Variants in PSEN1 observed in about 807,000 individuals in gnomAD.
PSEN1 encodes the protein presenilin 1.
In PSEN1, 15 loss-of-function variants were observed where a neutral mutation model predicts 53.5. The observed-to-expected ratio is 0.28, with a 90% CI of 0.19 to 0.43. The LOEUF (loss-of-function observed/expected upper bound fraction) is 0.43. PSEN1 is among the 20% of genes least tolerant of loss of function. PSEN1 has a pLI of 1.00. For synonymous variants in PSEN1, 208 were observed against 209.8 expected (o/e 0.99, Z 0.08); for missense variants, 387 against 571.2 (o/e 0.68, Z 3.29).
At chr14:73,203,769 C>G (rs2140119484) in intron 8 of PSEN1, among the ~76,000 whole-genome samples, 1 of 152,258 alleles carries the variant, frequency 6.6e-6, no homozygotes, top group South Asian at 2.1e-4. Context: ...GGGAGCTTAA[C>G]TAGAAGGGAA....
At chr14:73,146,184 C>CG (rs1897065609) in intron 1 of PSEN1, 1 of 124,758 alleles carries the variant, frequency 8.0e-6, no homozygotes, top group South Asian at 2.6e-4. Context: ...TTTAAAAAAT[C>CG]TTTTTTTTTT....
intron 3 of PSEN1, among the ~76,000 whole-genome samples, chr14:73,154,577 G>A (rs535366599): frequency 6.6e-6 from 1 of 152,154 alleles, no homozygotes; most frequent in African/African-American, 2.4e-5. Context: ...CTTCAACCTG[G>A]GCAGCAAAGT....
At chr14:73,152,101 C>T (rs1450132037) in intron 3 of PSEN1, among the ~76,000 whole-genome samples, 1 of 147,692 alleles carries the variant, frequency 6.8e-6, no homozygotes, top group Admixed American at 6.8e-5. Flanking sequence ...TTCATAGAGG[C>T]GGGGTTTCAC....
chr14:73,162,242 A>T (rs983588890), intron 3 of PSEN1, among the ~76,000 whole-genome samples: 12 of 151,746 alleles, frequency 7.9e-5, no homozygotes, highest in Non-Finnish European at 1.6e-4. Context: ...CCATCCTGAT[A>T]ATAAGAGAAA....
intron 7 of PSEN1, among the ~76,000 whole-genome samples, chr14:73,197,277 T>C (rs185371684): frequency 1.9e-3 from 287 of 152,296 alleles, no homozygotes; most frequent in Non-Finnish European, 3.2e-3. Flanking sequence ...AAAAGTGCAG[T>C]TGATCGAAAG....
At chr14:73,160,583 G>A (rs1459368597) in intron 3 of PSEN1, among the ~76,000 whole-genome samples, 1 of 152,116 alleles carries the variant, frequency 6.6e-6, no homozygotes, top group Non-Finnish European at 1.5e-5. Context: ...TTTTTTGGTA[G>A]TGGCCATCCT....
intron 9 of PSEN1, among the ~76,000 whole-genome samples, chr14:73,209,306 A>G (rs770945562): frequency 6.6e-6 from 1 of 152,034 alleles, no homozygotes; most frequent in Non-Finnish European, 1.5e-5. Context: ...TGCAGCAGCC[A>G]CTCCAGATGG....
chr14:73,140,872 G>A (rs1259398133), intron 1 of PSEN1, among the ~76,000 whole-genome samples: 1 of 152,198 alleles, frequency 6.6e-6, no homozygotes, highest in African/African-American at 2.4e-5. Context: ...AAACTCAGCA[G>A]TTCAGAGCAT....
chr14:73,205,523 C>A (rs1272506033), intron 8 of PSEN1, among the ~76,000 whole-genome samples: 1 of 151,000 alleles, frequency 6.6e-6, no homozygotes, highest in African/African-American at 2.4e-5. Flanking sequence ...AGATTGGACT[C>A]AGCTTGCTGC....
chr14:73,156,732 G>A (rs551474326), intron 3 of PSEN1, among the ~76,000 whole-genome samples: 10 of 151,328 alleles, frequency 6.6e-5, no homozygotes, highest in Non-Finnish European at 1.3e-4. Flanking sequence ...GCATGATCTC[G>A]GCTCACTGCA....
chr14:73,214,093 T>C (rs954239831), intron 10 of PSEN1, among the ~76,000 whole-genome samples: 1 of 152,204 alleles, frequency 6.6e-6, no homozygotes, highest in Non-Finnish European at 1.5e-5. Context: ...GTCTATTAAC[T>C]GATAAGTGGA....
chr14:73,207,675 G>A (rs1421618062), intron 9 of PSEN1, among the ~76,000 whole-genome samples: 1 of 152,244 alleles, frequency 6.6e-6, no homozygotes, highest in Non-Finnish European at 1.5e-5. Context: ...AGAAACCTCT[G>A]TGGCTGGTGG....
At chr14:73,190,335 A>G (rs1234856678) in intron 6 of PSEN1, among the ~76,000 whole-genome samples, 1 of 151,624 alleles carries the variant, frequency 6.6e-6, no homozygotes, top group Non-Finnish European at 1.5e-5. Context: ...CAAAAAATAC[A>G]AAACTTAGCC....
chr14:73,206,472 A>G lies in PSEN1; in HGVS notation c.955A>G (p.Ser319Gly). ...CAAAAATTCCAAGTATAATGCAGAA[A>G]GTAGGTAACTTTTATTAGATAATAT... ...VSKNSKYNAESTERESQDTVA... is the reference protein window; with the variant it reads ...VSKNSKYNAEGTERESQDTVA... Residue 319 changes from serine (S) to glycine (G), a missense_variant and splice_region_variant, in exon 9 of 12, where the codon AGC becomes GGC. Around this residue, in one of 4 missense-constraint regions of PSEN1, gnomAD observed 169 missense variants for 299.7 expected, o/e 0.56. Coordinates refer to ENST00000324501, the MANE Select transcript of PSEN1 (RefSeq NM_000021.4). 1 of 1,606,610 alleles carries G rather than the reference A, an allele frequency of 6.2e-7. No homozygotes were observed. Among genetic ancestry groups the G allele is most frequent in the Non-Finnish European group, 8.5e-7 (1 of 1,173,178 alleles).
chr14:73,180,076 C>T (rs1239109836), intron 5 of PSEN1, among the ~76,000 whole-genome samples: 2 of 152,124 alleles, frequency 1.3e-5, no homozygotes, highest in Non-Finnish European at 2.9e-5. Context: ...CCTCCGCCTC[C>T]TGGGTTCAAG....
intron 10 of PSEN1, among the ~76,000 whole-genome samples, chr14:73,212,168 T>C (rs1899728669): frequency 7.5e-6 from 1 of 133,030 alleles, no homozygotes; most frequent in African/African-American, 2.8e-5. Context: ...TGGAGTGCAA[T>C]GGTGCGATCT....
chr14:73,192,930 T>A (rs1180470687), intron 7 of PSEN1, 66 bp downstream of exon 7: 1 of 1,220,522 alleles, frequency 8.2e-7, no homozygotes, highest in Non-Finnish European at 1.2e-6. Flanking sequence ...TCTTTCCTCA[T>A]CTCTTTATCT....
intron 3 of PSEN1, among the ~76,000 whole-genome samples, chr14:73,170,275 G>A (rs561892265): frequency 2.5e-4 from 38 of 152,190 alleles, no homozygotes; most frequent in South Asian, 1.2e-3. Context: ...ATCTCATCCC[G>A]TAACTAAGAG....
At chr14:73,157,419 G>T (rs1427938406) in intron 3 of PSEN1, among the ~76,000 whole-genome samples, 1 of 151,978 alleles carries the variant, frequency 6.6e-6, no homozygotes, top group African/African-American at 2.4e-5. Flanking sequence ...GATTACAGGC[G>T]TGAGTCACCA....
Sources: allele counts gnomAD v4.1 joint callset (sites outside exome capture counted in the v4.1 genomes callset), GRCh38; gene constraint gnomAD v4.1.1; regional missense constraint gnomAD v4.1.1; transcripts MANE v1.5; gene names NCBI Gene and HGNC (gene_info 2026-07-23, HGNC 2026-07-21).